PTPRQ: variants seen among roughly 807,000 people sequenced by gnomAD.
PTPRQ encodes the protein protein tyrosine phosphatase receptor type Q.
In PTPRQ, 199 loss-of-function variants were observed where a neutral mutation model predicts 246.0. The observed-to-expected ratio is 0.81, with a 90% CI of 0.72 to 0.91. PTPRQ has a LOEUF of 0.91. PTPRQ is among the 40% of genes least tolerant of loss of function. PTPRQ has a pLI of 0.00. For synonymous variants in PTPRQ, 869 were observed against 853.2 expected, an observed-to-expected ratio of 1.02 and a Z score of -0.32; for missense variants, 2,624 against 2,528.4, an observed-to-expected ratio of 1.04 and a Z score of -0.81.
chr12:80,586,092 C>T (rs1165802724), intron 25 of PTPRQ, among the ~76,000 whole-genome samples: 2 of 151,870 alleles, frequency 1.3e-5, no homozygotes, highest in Non-Finnish European at 2.9e-5. Context: ...GCATAGTATT[C>T]CATGGTGTAT....
At chr12:80,639,858 T>G (rs1899791535) in intron 35 of PTPRQ, among the ~76,000 whole-genome samples, 1 of 152,196 alleles carries the variant, frequency 6.6e-6, no homozygotes, top group Non-Finnish European at 1.5e-5. Context: ...ATGTAGTGAT[T>G]TCACTTAACT....
intron 17 of PTPRQ, among the ~76,000 whole-genome samples, chr12:80,514,763 C>T (rs1455542112): frequency 2.1e-5 from 3 of 144,216 alleles, no homozygotes; most frequent in Non-Finnish European, 4.5e-5. Flanking sequence ...ATAATTATTA[C>T]ATATTATTAT....
chr12:80,619,420 A>T lies in PTPRQ; in HGVS notation c.5267A>T (p.Tyr1756Phe). 6.5e-7 allele frequency: 1 copy of T among 1,548,072 alleles called. No homozygotes were observed. The highest frequency in any genetic ancestry group is 8.7e-7 in the Non-Finnish European group (1 of 1,144,714). ...ARPKTKPTPIYDATGKLLVTS... is the reference protein window; with the variant it reads ...ARPKTKPTPIFDATGKLLVTS... The stretch of plus-strand genomic sequence containing the variant: ...CCAAAAACCAAACCAACCCCTATTT[A>T]TGATGCCACAGGAAAACTGCTTGTG... The change falls in exon 31 of 45, where the codon TAT becomes TTT. Residue 1756 changes from tyrosine (Y) to phenylalanine (F), a missense_variant. By Grantham distance (22) the Tyr-to-Phe change is conservative (BLOSUM62 3). Coordinates refer to ENST00000644991, the MANE Select transcript of PTPRQ (RefSeq NM_001145026.2).
chr12:80,610,287 G>A (rs1434025423), intron 27 of PTPRQ, among the ~76,000 whole-genome samples, 152 bp from the exon 28 acceptor site: 2 of 150,276 alleles, frequency 1.3e-5, no homozygotes, highest in South Asian at 2.1e-4. Context: ...TGTTATAATA[G>A]CACTTTAGAT....
chr12:80,556,921 T>C lies in PTPRQ; in HGVS notation c.4285+7187T>C, dbSNP rs539846639. On this transcript the variant is annotated intron_variant, in intron 25 of 44. Coordinates refer to ENST00000644991, the MANE Select transcript of PTPRQ (RefSeq NM_001145026.2). ...AGTGTAAGCAGGAAGGTTGAATAAC[T>C]GAAGTGGACCCCTACTTACTCTGCT... is the stretch of plus-strand genomic sequence containing the variant. 2.0e-5 allele frequency among the ~76,000 whole-genome samples: 3 copies of C among 152,238 alleles called. No individual in the cohort carries two copies. In the East Asian group the frequency reaches 5.8e-4, roughly 29 times the overall value.
At position 80,495,950 on chromosome 12, in the gene PTPRQ, A is replaced by T. The variant is rs568859152; in HGVS notation, c.1883-49A>T. 184 of 1,524,710 alleles carry T rather than the reference A, an allele frequency of 1.2e-4. 1 individual carries two copies. In the South Asian group the frequency reaches 2.2e-3, roughly 19 times the overall value. 94.4% of individuals were successfully genotyped at this position (1,524,710 alleles called of 1,614,324 possible). On this transcript the variant is annotated intron_variant, in intron 12 of 44. Transcript: ENST00000644991. ...CCTTATATTAAATGGCACCAATCCC[A>T]AGAGTATTATTTTAAGGACATTAAA... is the stretch of plus-strand genomic sequence containing the variant.
chr12:80,605,683 G>A (rs757052425), intron 27 of PTPRQ, among the ~76,000 whole-genome samples: 24 of 151,060 alleles, frequency 1.6e-4, no homozygotes, highest in African/African-American at 3.1e-4. Context: ...AATGGGAATA[G>A]GGGTGTAAAA....
intron 34 of PTPRQ, chr12:80,634,616 G>T: frequency 4.4e-6 from 1 of 227,790 alleles, no homozygotes; most frequent in Non-Finnish European, 8.5e-6. Flanking sequence ...CAATGACATA[G>T]CTAGAGAGAA....
chr12:80,515,411 T>G (rs956983415), intron 17 of PTPRQ, among the ~76,000 whole-genome samples: 1 of 149,090 alleles, frequency 6.7e-6, no homozygotes, highest in Non-Finnish European at 1.5e-5. Context: ...AAAAAACATT[T>G]ATTTGAATAT....
At chr12:80,638,588 T>A (rs1899743216) in intron 35 of PTPRQ, among the ~76,000 whole-genome samples, 1 of 152,198 alleles carries the variant, frequency 6.6e-6, no homozygotes, top group Non-Finnish European at 1.5e-5. Flanking sequence ...ACTCTCTGCC[T>A]GTATATTTAC....
At chr12:80,643,447 A>G (rs142329063) in intron 35 of PTPRQ, among the ~76,000 whole-genome samples, 1 of 152,300 alleles carries the variant, frequency 6.6e-6, no homozygotes, top group East Asian at 1.9e-4. Context: ...TCAAAAAAAA[A>G]AAAAAGGAAG....
intron 26 of PTPRQ, among the ~76,000 whole-genome samples, chr12:80,595,474 G>T (rs763338158): frequency 2.0e-5 from 3 of 151,850 alleles, no homozygotes; most frequent in Non-Finnish European, 2.9e-5. Flanking sequence ...TCAAATGCTT[G>T]CATTGTTATT....
At chr12:80,665,986 A>T (rs1444199674) in intron 39 of PTPRQ, among the ~76,000 whole-genome samples, 1 of 152,048 alleles carries the variant, frequency 6.6e-6, no homozygotes, top group Non-Finnish European at 1.5e-5. Context: ...ATTATTATAC[A>T]CTATTATACA....
At position 80,616,275 on chromosome 12, in the gene PTPRQ, A is replaced by C. The variant is rs1319571364; in HGVS notation, c.5230+9A>C. 2.0e-6 allele frequency: 3 copies of C among 1,470,744 alleles called. No individual in the cohort carries two copies. The highest frequency in any genetic ancestry group is 5.1e-5 in the Admixed American group (2 of 39,586). 91.1% of individuals were successfully genotyped at this position (1,470,744 alleles called of 1,614,324 possible). On this transcript the variant is annotated intron_variant, in intron 30 of 44. Transcript: ENST00000644991. Reference sequence around the variant, plus strand: ...AACCATGGATATCAAAGGTACATACATGAGCTACCTTCCTATGAAATGCTA... The same window carrying C: ...AACCATGGATATCAAAGGTACATACCTGAGCTACCTTCCTATGAAATGCTA...
intron 17 of PTPRQ, among the ~76,000 whole-genome samples, chr12:80,522,462 C>T (rs1006833573): frequency 2.6e-5 from 4 of 151,996 alleles, no homozygotes; most frequent in Admixed American, 6.6e-5. Flanking sequence ...GGAATGCTTC[C>T]AGTTTTTGCC....
rs1393566869 is a variant in PTPRQ at position 80,539,937 on chromosome 12, T to C, written c.3147T>C (p.Asp1049=). The change falls in exon 20 of 45, where the codon GAT becomes GAC. Residue 1049 remains aspartate, a synonymous_variant. Coordinates refer to ENST00000644991, the MANE Select transcript of PTPRQ (RefSeq NM_001145026.2). The stretch of plus-strand genomic sequence containing the variant: ...GTGACATCATTGAAGTATACACAGA[T>C]CAAGACAGTATGTAAACAAAAAACA... ...KSSDIIEVYT[D]QDIPEGFVGN... 2 of 1,517,240 alleles carry C rather than the reference T, an allele frequency of 1.3e-6. No homozygotes were observed. The highest frequency in any genetic ancestry group is 2.2e-5 in the Admixed American group (1 of 45,254). The allele number at this position is 1,517,240 out of a possible 1,614,324, so 94.0% of individuals were successfully genotyped here. A position where few individuals can be genotyped will look rare whatever the true frequency, so the allele number is the denominator to read the frequency against.
chr12:80,552,136 T>G (rs962140283), intron 25 of PTPRQ, among the ~76,000 whole-genome samples: 3 of 152,098 alleles, frequency 2.0e-5, no homozygotes, highest in Non-Finnish European at 4.4e-5. Flanking sequence ...ATATTCTGTA[T>G]GTATTGGAGA....
At chr12:80,508,423 T>C (rs1283111425) in intron 16 of PTPRQ, among the ~76,000 whole-genome samples, 1 of 151,754 alleles carries the variant, frequency 6.6e-6, no homozygotes, top group African/African-American at 2.4e-5. Context: ...TACTCTGGGG[T>C]GTGAGGTAAA....
At chr12:80,575,941 G>T (rs986819274) in intron 25 of PTPRQ, among the ~76,000 whole-genome samples, 2 of 151,684 alleles carry the variant, frequency 1.3e-5, no homozygotes, top group African/African-American at 4.8e-5. Flanking sequence ...TGAGGCCCAT[G>T]TCCCCAACCT....
Sources: allele counts gnomAD v4.1 joint callset (sites outside exome capture counted in the v4.1 genomes callset), GRCh38; gene constraint gnomAD v4.1.1; transcripts MANE v1.5; gene names NCBI Gene and HGNC (gene_info 2026-07-23, HGNC 2026-07-21).